The following SAMMSON variants were observed in gnomAD, a reference collection of about 807,000 sequenced individuals.
The protein encoded by SAMMSON is survival associated mitochondrial melanoma specific oncogenic non-coding RNA, also known as long intergenic non-protein coding RNA 1212.
At chr3:70,037,765 C>A (rs1442910530) in intron 3 of SAMMSON, among the ~76,000 whole-genome samples, 3 of 152,144 alleles carry the variant, frequency 2.0e-5, no homozygotes, top group South Asian at 2.1e-4. Context: ...TGGAATACAC[C>A]CTTAGATTGC....
intron 7 of SAMMSON, among the ~76,000 whole-genome samples, chr3:70,343,700 C>T (rs1244029972): frequency 1.3e-5 from 2 of 151,948 alleles, no homozygotes; most frequent in African/African-American, 4.8e-5. Flanking sequence ...TTACTGTACT[C>T]CGCAGAAGCA....
chr3:70,197,850 G>A (rs866756677), intron 4 of SAMMSON, among the ~76,000 whole-genome samples: 1 of 152,112 alleles, frequency 6.6e-6, no homozygotes, highest in Admixed American at 6.5e-5. Flanking sequence ...TGCCTAAAAG[G>A]TTTTAAATCT....
intron 7 of SAMMSON, chr3:70,311,899 A>G (rs1264323604): frequency 1.3e-5 from 5 of 397,736 alleles, no homozygotes; most frequent in Non-Finnish European, 2.2e-5. Context: ...CTTTCAACCA[A>G]GAAATGTTAT....
intron 4 of SAMMSON, among the ~76,000 whole-genome samples, chr3:70,087,188 G>A (rs1317232473): frequency 6.6e-6 from 1 of 152,088 alleles, no homozygotes; most frequent in Non-Finnish European, 1.5e-5. Flanking sequence ...AGTGGCCAAT[G>A]GTTAAAGGAT....
At chr3:70,290,334 G>C (rs1046798269) in intron 6 of SAMMSON, among the ~76,000 whole-genome samples, 2 of 152,252 alleles carry the variant, frequency 1.3e-5, no homozygotes, top group African/African-American at 4.8e-5. Context: ...AGGTGTCAGT[G>C]TGCCCCTGTT....
chr3:70,317,858 T>G (rs1490397038), intron 7 of SAMMSON, among the ~76,000 whole-genome samples: 1 of 151,886 alleles, frequency 6.6e-6, no homozygotes, highest in South Asian at 2.1e-4. Context: ...CCTCTTAAGC[T>G]TTCATTTGTC....
rs191435817 is a variant in SAMMSON at position 70,124,927 on chromosome 3, A to G, written n.507+53362A>G. The G allele has an allele frequency of 7.2e-5, 38 of 524,828 alleles. No homozygotes were observed. The Admixed American group carries it at 1.3e-3, about 19-fold the overall frequency. 32.5% of individuals were successfully genotyped at this position (524,828 alleles called of 1,614,324 possible). A position where few individuals can be genotyped will look rare whatever the true frequency, so the allele number is the denominator to read the frequency against. On this transcript the variant is annotated intron_variant and non_coding_transcript_variant, in intron 4 of 9. Transcript: ENST00000642114. Reference sequence around the variant, plus strand: ...AATATAGTTCCAATACACTGATTTAAAGGCATATGTATTTAATTTTTAAAT... The same window carrying G: ...AATATAGTTCCAATACACTGATTTAGAGGCATATGTATTTAATTTTTAAAT...
intron 3 of SAMMSON, among the ~76,000 whole-genome samples, chr3:70,059,401 C>A (rs192207484): frequency 2.6e-5 from 4 of 152,086 alleles, no homozygotes; most frequent in African/African-American, 9.6e-5. Context: ...TGAGAATTCC[C>A]ATGATCTGCC....
intron 2 of SAMMSON, among the ~76,000 whole-genome samples, chr3:70,419,090 TC>T (rs1209859319): frequency 2.6e-5 from 4 of 152,030 alleles, no homozygotes; most frequent in Admixed American, 2.0e-4. Context: ...AGTGGCATGA[TC>T]TCTGCTCACT....
At chr3:70,208,849 A>G (rs1334293555) in intron 4 of SAMMSON, among the ~76,000 whole-genome samples, 1 of 152,002 alleles carries the variant, frequency 6.6e-6, no homozygotes, top group Non-Finnish European at 1.5e-5. Context: ...TTTAATTTCT[A>G]TTCTCTTCCT....
chr3:70,205,856 A>G (rs896748730), intron 4 of SAMMSON: 1 of 152,112 alleles, frequency 6.6e-6, no homozygotes, highest in Non-Finnish European at 1.5e-5. Flanking sequence ...TGAACACTAC[A>G]AAATCTTGAA....
At chr3:70,232,402 CTA>C (rs1211887014) in intron 4 of SAMMSON, among the ~76,000 whole-genome samples, 1 of 141,234 alleles carries the variant, frequency 7.1e-6, no homozygotes, top group Non-Finnish European at 1.6e-5. Context: ...GATGATGTTC[CTA>C]TTTTTTTTTT....
rs1491095064 is a variant in SAMMSON at position 70,045,078 on chromosome 3, A to AT, written n.418-26397dup. Among the ~76,000 whole-genome samples the AT allele has an allele frequency of 1.8e-3, 148 of 84,158 alleles. 2 individuals carry two copies. The highest frequency in any genetic ancestry group is 2.6e-3 in the Non-Finnish European group (125 of 47,250). 55.2% of individuals were successfully genotyped at this position (84,158 alleles called of 152,430 possible). On this transcript the variant is annotated intron_variant and non_coding_transcript_variant, in intron 3 of 9. Coordinates refer to ENST00000642114, the Ensembl canonical transcript of SAMMSON. ...TTAATTATAATATATATTATAATTA[A>AT]TATATATAATTAATTATAATATATA...
intron 6 of SAMMSON, among the ~76,000 whole-genome samples, chr3:70,255,775 T>A (rs1266340981): frequency 6.6e-6 from 1 of 152,132 alleles, no homozygotes; most frequent in Non-Finnish European, 1.5e-5. Flanking sequence ...ATTTTTCAAC[T>A]GCAGCTTATG....
intron 7 of SAMMSON, among the ~76,000 whole-genome samples, chr3:70,349,929 G>T (rs886922498): frequency 1.3e-5 from 2 of 151,332 alleles, no homozygotes; most frequent in Non-Finnish European, 3.0e-5. Context: ...TGTGAAGTAT[G>T]TTTTTTTTTG....
intron 2 of SAMMSON, among the ~76,000 whole-genome samples, chr3:70,398,084 C>A (rs1328643667): frequency 1.3e-5 from 2 of 152,030 alleles, no homozygotes; most frequent in East Asian, 1.9e-4. Context: ...TTTCTGGAAG[C>A]AAATCTATAG....
In SAMMSON at chr3:70,226,687, G is replaced by A. The variant is rs184414691; in HGVS notation, n.508-22420G>A. Among the ~76,000 whole-genome samples the A allele has an allele frequency of 1.7e-4, 25 of 147,524 alleles. No individual in the cohort carries two copies. The East Asian group carries it at 2.0e-3, about 12-fold the overall frequency. ...TGGGAAGCGGAGGTTGCAGTGAGCC[G>A]ATATCGTGCCACTCCACTCCAGCCT... On this transcript the variant is annotated intron_variant and non_coding_transcript_variant, in intron 4 of 9. Coordinates refer to ENST00000642114, the Ensembl canonical transcript of SAMMSON.
At chr3:70,428,778 TA>T (rs1359227934) in intron 2 of SAMMSON, among the ~76,000 whole-genome samples, 1 of 152,208 alleles carries the variant, frequency 6.6e-6, no homozygotes, top group Non-Finnish European at 1.5e-5. Flanking sequence ...GATTGTTTTT[TA>T]TTGATTTATA....
intron 4 of SAMMSON, among the ~76,000 whole-genome samples, chr3:70,232,404 A>ATT (rs200752002): frequency 2.3e-4 from 33 of 145,096 alleles, no homozygotes; most frequent in East Asian, 4.1e-4. Context: ...TGATGTTCCT[A>ATT]TTTTTTTTTT....
Sources: allele counts gnomAD v4.1 joint callset (sites outside exome capture counted in the v4.1 genomes callset), GRCh38; gene constraint gnomAD v4.1.1; transcripts MANE v1.5; gene names NCBI Gene and HGNC (gene_info 2026-07-23, HGNC 2026-07-21).